Variants in LRRTM3 observed in about 807,000 individuals in gnomAD.
LRRTM3 encodes the protein leucine rich repeat transmembrane neuronal 3.
Under a neutral mutation model 44.7 loss-of-function variants are expected in LRRTM3, and 24 were observed. The observed-to-expected ratio is 0.54, with a 90% CI of 0.39 to 0.76. The LOEUF (loss-of-function observed/expected upper bound fraction) is 0.76. Ranked by LOEUF, LRRTM3 falls within the 30% of genes least tolerant of loss-of-function variation. LRRTM3 has a pLI of 0.00. For missense variants in LRRTM3, 587 were observed against 702.2 expected, an observed-to-expected ratio of 0.84 and a Z score of 1.85; for synonymous variants, 277 against 278.7, an observed-to-expected ratio of 0.99 and a Z score of 0.06.
intron 2 of LRRTM3, among the ~76,000 whole-genome samples, chr10:66,998,412 A>G (rs1197201060): frequency 6.6e-6 from 1 of 152,228 alleles, no homozygotes; most frequent in Non-Finnish European, 1.5e-5. Context: ...ACATAAATCA[A>G]AATATATCAA....
chr10:66,941,932 C>T (rs189799445), intron 2 of LRRTM3, among the ~76,000 whole-genome samples: 1 of 152,084 alleles, frequency 6.6e-6, no homozygotes, highest in Non-Finnish European at 1.5e-5. Context: ...TAAGTCTGTT[C>T]GTGGAAGACT....
intron 2 of LRRTM3, among the ~76,000 whole-genome samples, chr10:67,025,083 C>T (rs547956000): frequency 7.5e-4 from 105 of 139,252 alleles, no homozygotes; most frequent in African/African-American, 2.5e-3. Flanking sequence ...GAGCCGAGAT[C>T]ATGCCATTGC....
chr10:66,998,917 C>T (rs2140373), intron 2 of LRRTM3, among the ~76,000 whole-genome samples: 79,283 of 151,834 alleles, frequency 0.52, 21,324 homozygotes, highest in Middle Eastern at 0.74. Context: ...CACTTAAATA[C>T]ATAATAAGCT....
intron 2 of LRRTM3, among the ~76,000 whole-genome samples, chr10:67,033,921 G>A (rs1030487438): frequency 4.6e-5 from 7 of 152,008 alleles, no homozygotes; most frequent in South Asian, 2.1e-4. Context: ...ACAGGCTTGC[G>A]CTACCACACC....
intron 2 of LRRTM3, among the ~76,000 whole-genome samples, chr10:66,999,741 T>A (rs1416271631): frequency 2.0e-5 from 3 of 152,186 alleles, no homozygotes; most frequent in Non-Finnish European, 4.4e-5. Context: ...CAATTGGCAA[T>A]TTTACTGTAT....
intron 2 of LRRTM3, among the ~76,000 whole-genome samples, chr10:66,937,510 C>T (rs1313911384): frequency 2.6e-5 from 4 of 152,114 alleles, no homozygotes; most frequent in Non-Finnish European, 4.4e-5. Context: ...TCATATTACA[C>T]TACCTATTTT....
intron 2 of LRRTM3, among the ~76,000 whole-genome samples, chr10:66,960,723 G>A (rs1255007483): frequency 6.6e-6 from 1 of 152,052 alleles, no homozygotes; most frequent in African/African-American, 2.4e-5. Context: ...AAATTTTAAG[G>A]GGGAAATACA....
chr10:66,992,332 T>G (rs1851086266), intron 2 of LRRTM3, among the ~76,000 whole-genome samples: 1 of 152,166 alleles, frequency 6.6e-6, no homozygotes, highest in Non-Finnish European at 1.5e-5. Flanking sequence ...AATCAACTGT[T>G]TATATCCTTT....
intron 2 of LRRTM3, among the ~76,000 whole-genome samples, chr10:67,068,954 G>C (rs1856265810): frequency 6.6e-6 from 1 of 152,192 alleles, no homozygotes; most frequent in Non-Finnish European, 1.5e-5. Context: ...CAGCTACTCA[G>C]GAGGCTGAGG....
intron 2 of LRRTM3, among the ~76,000 whole-genome samples, chr10:67,080,167 AAG>A (rs1460394093): frequency 6.6e-6 from 1 of 152,182 alleles, no homozygotes; most frequent in East Asian, 1.9e-4. Context: ...CTTCTCAAGA[AAG>A]AAAATTATTC....
At chr10:66,946,773 A>C (rs1285085244) in intron 2 of LRRTM3, among the ~76,000 whole-genome samples, 1 of 151,944 alleles carries the variant, frequency 6.6e-6, no homozygotes, top group East Asian at 1.9e-4. Context: ...CACCACACCC[A>C]GGCACACACA....
chr10:66,992,387 C>T (rs541546824), intron 2 of LRRTM3, among the ~76,000 whole-genome samples: 1 of 152,034 alleles, frequency 6.6e-6, no homozygotes, highest in African/African-American at 2.4e-5. Context: ...TCTCCTTTTC[C>T]TATTATTCTT....
intron 2 of LRRTM3, among the ~76,000 whole-genome samples, chr10:66,977,033 C>T (rs1363430672): frequency 6.6e-6 from 1 of 152,054 alleles, no homozygotes; most frequent in African/African-American, 2.4e-5. Context: ...GGAGAATTAG[C>T]CAATGGTTGA....
chr10:67,023,689 T>C (rs1304440294), intron 2 of LRRTM3, among the ~76,000 whole-genome samples: 1 of 152,188 alleles, frequency 6.6e-6, no homozygotes, highest in Non-Finnish European at 1.5e-5. Context: ...TATGTATCGA[T>C]CTATTTCAGA....
chr10:66,926,227 C>A lies in LRRTM3; in HGVS notation c.-357C>A, dbSNP rs1490676440. The A allele has an allele frequency of 2.2e-6, 1 of 451,596 alleles. No homozygotes were observed. The highest frequency in any genetic ancestry group is 4.2e-6 in the Non-Finnish European group (1 of 237,548). 28.0% of individuals were successfully genotyped at this position (451,596 alleles called of 1,614,324 possible). ...CCCCAAATTGCCTGGAAGAATACAT[C>A]ATGTTTTTCGATAAGAAGAAATTGT... On this transcript the variant is annotated 5_prime_UTR_variant, in exon 1 of 3. Transcript: ENST00000361320.
chr10:67,003,922 TG>T (rs963124665), intron 2 of LRRTM3, among the ~76,000 whole-genome samples: 1 of 152,188 alleles, frequency 6.6e-6, no homozygotes, highest in African/African-American at 2.4e-5. Context: ...ACCTTGCACA[TG>T]TTTTTTATTG....
intron 2 of LRRTM3, among the ~76,000 whole-genome samples, chr10:67,079,578 G>A (rs1043976397): frequency 2.6e-5 from 4 of 152,114 alleles, no homozygotes; most frequent in Non-Finnish European, 4.4e-5. Context: ...AGCCCAGCGC[G>A]GTGGCTCATG....
At chr10:67,069,633 G>A (rs1355765879) in intron 2 of LRRTM3, among the ~76,000 whole-genome samples, 2 of 126,376 alleles carry the variant, frequency 1.6e-5, no homozygotes, top group Admixed American at 1.0e-4. Context: ...ACATAGATTA[G>A]TTCTGTCTGT....
At chr10:67,021,532 A>C (rs1470690158) in intron 2 of LRRTM3, among the ~76,000 whole-genome samples, 1 of 152,146 alleles carries the variant, frequency 6.6e-6, no homozygotes, top group Non-Finnish European at 1.5e-5. Flanking sequence ...CAAAAATTAC[A>C]ATAAAAAATT....
Sources: allele counts gnomAD v4.1 joint callset (sites outside exome capture counted in the v4.1 genomes callset), GRCh38; gene constraint gnomAD v4.1.1; transcripts MANE v1.5; gene names NCBI Gene and HGNC (gene_info 2026-07-23, HGNC 2026-07-21).